The following SMG7 variants were observed in gnomAD, a reference collection of about 807,000 sequenced individuals.
SMG7 encodes the protein SMG7 nonsense mediated mRNA decay factor.
SMG7 carries 34 observed loss-of-function variants against 148.2 expected under a neutral mutation model. That is an observed-to-expected ratio of 0.23 (90% CI 0.17 to 0.31). SMG7 has a LOEUF of 0.31. SMG7 is among the 10% of genes least tolerant of loss of function. The probability of loss-of-function intolerance (pLI) is 1.00; values close to 1 mark genes in which losing one functional copy is unlikely to be tolerated. For synonymous variants in SMG7, 492 were observed against 515.1 expected, an observed-to-expected ratio of 0.96 and a Z score of 0.61; for missense variants, 1,114 against 1,408.4, an observed-to-expected ratio of 0.79 and a Z score of 3.35.
Position 183,549,292 on chromosome 1 carries a change from G to C in SMG7, c.2973+4G>C, listed in dbSNP as rs1471481461. 6.2e-7 allele frequency: 1 copy of C among 1,601,200 alleles called. No homozygotes were observed. The highest frequency in any genetic ancestry group is 1.1e-5 in the South Asian group (1 of 90,822). On this transcript the variant is annotated splice_donor_region_variant and intron_variant, in intron 19 of 22. Transcript: ENST00000688051. ...CACCGGATTCTCTCTCAATCAGGTA[G>C]GTGAACAATGAAGAATCCTGCTGTG...
chr1:183,545,354 G>A, intron 16 of SMG7, 42 bp downstream of exon 16: 1 of 1,570,064 alleles, frequency 6.4e-7, no homozygotes, highest in Non-Finnish European at 8.6e-7. Context: ...AATGAAATAA[G>A]GGGAAATGCT....
chr1:183,479,286 C>T (rs1653467447), intron 1 of SMG7, among the ~76,000 whole-genome samples: 1 of 152,012 alleles, frequency 6.6e-6, no homozygotes, highest in African/African-American at 2.4e-5. Flanking sequence ...ACGACTTGGT[C>T]CAGATAGTTC....
intron 1 of SMG7, among the ~76,000 whole-genome samples, chr1:183,509,543 G>T (rs183683585): frequency 9.9e-5 from 15 of 152,034 alleles, no homozygotes; most frequent in Non-Finnish European, 1.8e-4. Flanking sequence ...TAGCTATCCC[G>T]TAGGGTTGTT....
At chr1:183,472,954 G>GA (rs1408855652) in intron 1 of SMG7, 1 of 345,740 alleles carries the variant, frequency 2.9e-6, no homozygotes, top group African/African-American at 2.2e-5. Flanking sequence ...GGGGTGGAGA[G>GA]AAACGTCCGG....
chr1:183,539,632 T>C (rs374460270), intron 12 of SMG7, among the ~76,000 whole-genome samples: 5 of 152,360 alleles, frequency 3.3e-5, no homozygotes, highest in East Asian at 3.9e-4. Context: ...TTTTCCGATT[T>C]GGTCAGCCAA....
At chr1:183,486,148 C>T (rs1655361414) in intron 1 of SMG7, among the ~76,000 whole-genome samples, 1 of 152,100 alleles carries the variant, frequency 6.6e-6, no homozygotes, top group South Asian at 2.1e-4. Flanking sequence ...CTCATGTTGT[C>T]ATTTAAGAGG....
At position 183,472,548 on chromosome 1, in the gene SMG7, C is replaced by T. The variant is rs911642613; in HGVS notation, c.-73C>T. The T allele has an allele frequency of 3.7e-6, 5 of 1,335,858 alleles. No homozygotes were observed. In the African/African-American group the frequency reaches 4.6e-5, roughly 12 times the overall value. 82.8% of individuals were successfully genotyped at this position (1,335,858 alleles called of 1,614,324 possible). ...GCGGCGGCCGCCAGCACCCGCGGTG[C>T]CGCGGGGCCGCTCCGAGGAGCCTGA... On this transcript the variant is annotated 5_prime_UTR_variant, in exon 1 of 23. Transcript: ENST00000688051.
chr1:183,545,042 T>A lies in SMG7; in HGVS notation c.2100T>A (p.Ala700=), dbSNP rs760645160. Residue 700 remains alanine (A), a synonymous_variant, in exon 16 of 23, where the codon GCT becomes GCA. Transcript: ENST00000688051. ...SVPGTFLQPT[A]HSPAGNQVQA... is the part of the protein sequence containing the mutation. ...CAGGAACCTTTCTTCAGCCTACAGC[T>A]CACTCTCCAGCAGGAAACCAGGTGC... The A allele has an allele frequency of 1.2e-6, 2 of 1,613,818 alleles. No homozygotes were observed. Among genetic ancestry groups the A allele is most frequent in the African/African-American group, 2.7e-5 (2 of 74,810 alleles).
intron 1 of SMG7, chr1:183,501,272 G>A (rs1239982580): frequency 6.6e-6 from 1 of 152,106 alleles, no homozygotes; most frequent in Non-Finnish European, 1.5e-5. Flanking sequence ...AATGAGGTAG[G>A]TATTTTACTA....
intron 4 of SMG7, among the ~76,000 whole-genome samples, chr1:183,520,142 T>C (rs541381042): frequency 1.2e-4 from 19 of 152,224 alleles, no homozygotes; most frequent in Admixed American, 1.0e-3. Flanking sequence ...TCTTAACATT[T>C]GGAAACAACA....
chr1:183,541,169 C>CGTGT, intron 13 of SMG7, 66 bp downstream of exon 13: 15 of 1,341,046 alleles, frequency 1.1e-5, no homozygotes, highest in South Asian at 2.4e-5. Context: ...TGCGCGCACA[C>CGTGT]GCGCGCGCAC....
At chr1:183,546,430 C>T in intron 17 of SMG7, 93 bp downstream of exon 17, 1 of 1,364,718 alleles carries the variant, frequency 7.3e-7, no homozygotes, top group Non-Finnish European at 1.0e-6. Flanking sequence ...AAAAAGGCCA[C>T]TCTTATTCGT....
At chr1:183,537,889 TCTGA>T (rs1476429190) in intron 11 of SMG7, among the ~76,000 whole-genome samples, 2 of 152,160 alleles carry the variant, frequency 1.3e-5, no homozygotes, top group African/African-American at 4.8e-5. Context: ...TTGGCTTCTT[TCTGA>T]CTTTTTTTTT....
intron 1 of SMG7, among the ~76,000 whole-genome samples, chr1:183,506,552 T>C (rs1261428464): frequency 6.6e-6 from 1 of 152,184 alleles, no homozygotes; most frequent in Non-Finnish European, 1.5e-5. Context: ...GATTATTGTG[T>C]TTATGGTTAT....
intron 7 of SMG7, 74 bp downstream of exon 7, chr1:183,529,116 G>C: frequency 7.0e-7 from 1 of 1,427,076 alleles, no homozygotes; most frequent in East Asian, 2.3e-5. Flanking sequence ...CTCATAATTT[G>C]GTTTACAGAA....
At position 183,546,259 on chromosome 1, in the gene SMG7, A is replaced by C; in HGVS notation, c.2664A>C (p.Ala888=). Residue 888 remains alanine (A), a synonymous_variant, in exon 17 of 23, where the codon GCA becomes GCC. Transcript: ENST00000688051. ...ACAGATCTGTAATGGCACAGCAAGC[A>C]AACATAGACCGCAGGGGCAAACGGT... ...ADNRSVMAQQ[A]NIDRRGKRSP... 1 of 1,614,078 alleles carries C rather than the reference A, an allele frequency of 6.2e-7. No individual in the cohort carries two copies.
chr1:183,489,822 A>G (rs3845460), intron 1 of SMG7, among the ~76,000 whole-genome samples: 24,433 of 152,208 alleles, frequency 0.16, 2,266 homozygotes, highest in African/African-American at 0.27. Context: ...GAAAGAAGAA[A>G]CAAGAAGTGA....
intron 2 of SMG7, 131 bp from the exon 3 acceptor site, chr1:183,515,743 C>G (rs1663357379): frequency 4.4e-6 from 2 of 452,916 alleles, no homozygotes; most frequent in Non-Finnish European, 7.9e-6. Flanking sequence ...ACTTCTGCAG[C>G]ATTCTATGGA....
At chr1:183,528,069 T>C (rs1198438541) in intron 6 of SMG7, 42 bp downstream of exon 6, 1 of 1,493,592 alleles carries the variant, frequency 6.7e-7, no homozygotes, top group Admixed American at 1.8e-5. Context: ...TGACACTTTG[T>C]TCTTTATAAC....
Sources: allele counts gnomAD v4.1 joint callset (sites outside exome capture counted in the v4.1 genomes callset), GRCh38; gene constraint gnomAD v4.1.1; transcripts MANE v1.5; gene names NCBI Gene and HGNC (gene_info 2026-07-23, HGNC 2026-07-21).